CRLF3: variants seen among roughly 807,000 people sequenced by gnomAD.
CRLF3 encodes the protein cytokine receptor-like factor 3.
A neutral mutation model predicts 55.0 loss-of-function variants in CRLF3; 33 were observed. The ratio of observed to expected loss-of-function variants is 0.60; its 90% CI spans 0.46 to 0.80. The LOEUF (loss-of-function observed/expected upper bound fraction) is 0.80. Among genes scored for constraint, CRLF3 ranks in the 30% least tolerant of loss-of-function variants. The probability of loss-of-function intolerance (pLI) is 0.00; values close to 1 mark genes in which losing one functional copy is unlikely to be tolerated. For synonymous variants in CRLF3, 238 were observed against 196.8 expected, an observed-to-expected ratio of 1.21 and a Z score of -1.75; for missense variants, 494 against 538.4, an observed-to-expected ratio of 0.92 and a Z score of 0.82.
intron 1 of CRLF3, among the ~76,000 whole-genome samples, chr17:30,823,031 A>G (rs1165991523): frequency 2.0e-5 from 3 of 152,134 alleles, no homozygotes. Context: ...TAAAATGCAA[A>G]TGATGTCTGG....
intron 1 of CRLF3, among the ~76,000 whole-genome samples, chr17:30,806,826 C>T (rs1904419499): frequency 6.6e-6 from 1 of 152,036 alleles, no homozygotes; most frequent in Non-Finnish European, 1.5e-5. Context: ...TTTGTAGAGA[C>T]GAGATCTTGC....
Position 30,794,293 on chromosome 17 carries a change from C to T in CRLF3, c.604-621G>A, listed in dbSNP as rs1971869920. Among the ~76,000 whole-genome samples, 4 of 152,164 alleles carry T rather than the reference C, an allele frequency of 2.6e-5. No individual in the cohort carries two copies. The South Asian group carries it at 8.3e-4, about 32-fold the overall frequency. ...ACAACCATACATCATTCATAATAAC[C>T]AAGAGATAATTAACATACAGTATAC... On this transcript the variant is annotated intron_variant, in intron 4 of 7. Transcript: ENST00000324238.
intron 5 of CRLF3, 144 bp from the exon 6 acceptor site, chr17:30,792,716 G>T: frequency 1.5e-6 from 1 of 646,552 alleles, no homozygotes; most frequent in Non-Finnish European, 2.6e-6. Context: ...TCCATTAACA[G>T]GGTATCATGA....
chr17:30,823,546 A>T (rs539238976), intron 1 of CRLF3, among the ~76,000 whole-genome samples: 1 of 151,420 alleles, frequency 6.6e-6, no homozygotes, highest in African/African-American at 2.4e-5. Context: ...GACCAACTAG[A>T]TTAATATCAA....
intron 4 of CRLF3, among the ~76,000 whole-genome samples, chr17:30,795,529 G>A (rs1215457451): frequency 4.5e-5 from 6 of 131,932 alleles, no homozygotes; most frequent in Admixed American, 1.5e-4. Context: ...TCAGCCAGGC[G>A]GAGTGGCTCA....
intron 1 of CRLF3, chr17:30,810,126 T>C (rs1212254220): frequency 2.0e-5 from 3 of 152,228 alleles, no homozygotes; most frequent in Non-Finnish European, 4.4e-5. Context: ...CTGTGGTGAT[T>C]TGTAACAAAA....
chr17:30,810,636 C>T (rs1216102674), intron 1 of CRLF3, among the ~76,000 whole-genome samples: 1 of 152,016 alleles, frequency 6.6e-6, no homozygotes, highest in Non-Finnish European at 1.5e-5. Context: ...AACCCCAAAG[C>T]AACTGTTTTA....
At chr17:30,796,134 C>G (rs768803727) in intron 4 of CRLF3, 26 bp downstream of exon 4, 1 of 1,540,526 alleles carries the variant, frequency 6.5e-7, no homozygotes. Context: ...ATGTGGAAGT[C>G]ATTTCTAGAA....
chr17:30,813,836 C>A (rs763384604), intron 1 of CRLF3, among the ~76,000 whole-genome samples: 2 of 150,302 alleles, frequency 1.3e-5, no homozygotes, highest in Non-Finnish European at 3.0e-5. Context: ...CAGATACTAC[C>A]CTTATCCTCA....
intron 5 of CRLF3, 146 bp downstream of exon 5, chr17:30,793,304 C>CACA: frequency 1.7e-6 from 1 of 603,852 alleles, no homozygotes; most frequent in Non-Finnish European, 2.8e-6. Flanking sequence ...ATGAGGTAAT[C>CACA]TGAGTAAAAG....
chr17:30,800,448 A>G (rs1971989254), intron 2 of CRLF3, among the ~76,000 whole-genome samples: 1 of 152,086 alleles, frequency 6.6e-6, no homozygotes, highest in Non-Finnish European at 1.5e-5. Context: ...CTTCTCCTTC[A>G]ATTCCTTTGT....
chr17:30,797,258 C>G (rs1597921454), intron 3 of CRLF3, 53 bp downstream of exon 3: 1 of 1,225,382 alleles, frequency 8.2e-7, no homozygotes, highest in East Asian at 2.3e-5. Flanking sequence ...AGGAAAAAAG[C>G]AGACATAGTT....
At position 30,812,572 on chromosome 17, in the gene CRLF3, A is replaced by C. The variant is rs1233336539; in HGVS notation, c.130-8464T>G. ...AGTGCTTAATTGAGAACTTTCAAACAGAAAACGTATATTATATGATTTGGT... is the reference window on the plus strand; with the variant it reads ...AGTGCTTAATTGAGAACTTTCAAACCGAAAACGTATATTATATGATTTGGT... On this transcript the variant is annotated intron_variant, in intron 1 of 7. Transcript: ENST00000324238. Among the ~76,000 whole-genome samples, 3 of 152,194 alleles carry C rather than the reference A, an allele frequency of 2.0e-5. No individual in the cohort carries two copies. In the East Asian group the frequency reaches 5.8e-4, roughly 29 times the overall value.
chr17:30,812,003 G>A (rs539965814), intron 1 of CRLF3, among the ~76,000 whole-genome samples: 20 of 150,282 alleles, frequency 1.3e-4, no homozygotes, highest in African/African-American at 4.9e-4. Context: ...CCAGCTACTC[G>A]GGAGGCTGAG....
chr17:30,799,735 C>G (rs540407135), intron 2 of CRLF3, among the ~76,000 whole-genome samples: 69 of 152,162 alleles, frequency 4.5e-4, no homozygotes, highest in African/African-American at 1.6e-3. Flanking sequence ...GAACTCCTGA[C>G]CTCAGATGAT....
intron 1 of CRLF3, among the ~76,000 whole-genome samples, chr17:30,806,785 C>T (rs1904417981): frequency 6.6e-6 from 1 of 152,118 alleles, no homozygotes; most frequent in Non-Finnish European, 1.5e-5. Flanking sequence ...AGGTGCGGGC[C>T]ACCACACTTG....
chr17:30,805,298 T>C (rs1904361681), intron 1 of CRLF3, among the ~76,000 whole-genome samples: 1 of 152,192 alleles, frequency 6.6e-6, no homozygotes, highest in African/African-American at 2.4e-5. Context: ...CTAAAAAAAG[T>C]TATAAATTAT....
chr17:30,796,395 G>A, intron 3 of CRLF3, 58 bp from the exon 4 acceptor site: 1 of 1,405,056 alleles, frequency 7.1e-7, no homozygotes, highest in East Asian at 2.4e-5. Flanking sequence ...AAAAATACAA[G>A]AAATATTTTA....
At chr17:30,804,810 A>G (rs181084707) in intron 1 of CRLF3, among the ~76,000 whole-genome samples, 1 of 152,346 alleles carries the variant, frequency 6.6e-6, no homozygotes, top group Admixed American at 6.5e-5. Context: ...TGGTTTCATC[A>G]TTCACAAACT....
Sources: allele counts gnomAD v4.1 joint callset (sites outside exome capture counted in the v4.1 genomes callset), GRCh38; gene constraint gnomAD v4.1.1; transcripts MANE v1.5; gene names NCBI Gene and HGNC (gene_info 2026-07-23, HGNC 2026-07-21).